TXNDC15: variants seen among roughly 807,000 people sequenced by gnomAD.
TXNDC15 encodes the protein thioredoxin domain containing 15, also known as thioredoxin domain-containing protein 15.
Under a neutral mutation model 35.0 loss-of-function variants are expected in TXNDC15, and 24 were observed. The ratio of observed to expected loss-of-function variants is 0.68; its 90% confidence interval spans 0.50 to 0.96. The LOEUF is 0.96. Ranked by LOEUF, TXNDC15 falls within the 40% of genes least tolerant of loss-of-function variation. The pLI, the probability that TXNDC15 is intolerant of heterozygous loss-of-function variation, is 0.00. For synonymous variants in TXNDC15, 169 were observed against 174.0 expected (o/e 0.97, Z 0.23); for missense variants, 385 against 453.3 (o/e 0.85, Z 1.37).
chr5:134,886,473 A>C (rs549885429), intron 1 of TXNDC15, among the ~76,000 whole-genome samples: 17 of 152,370 alleles, frequency 1.1e-4, no homozygotes, highest in African/African-American at 4.1e-4. Flanking sequence ...AGGCATTGCT[A>C]TGGAGGTGAG....
intron 4 of TXNDC15, among the ~76,000 whole-genome samples, chr5:134,898,843 G>A (rs1269097815): frequency 1.3e-5 from 2 of 152,210 alleles, no homozygotes; most frequent in Admixed American, 1.3e-4. Context: ...GGGAGGCTGA[G>A]GTGGGCAGAT....
At chr5:134,894,190 A>G (rs574305825) in intron 3 of TXNDC15, among the ~76,000 whole-genome samples, 35 of 151,554 alleles carry the variant, frequency 2.3e-4, no homozygotes, top group African/African-American at 8.2e-4. Context: ...CAAGTCATGA[A>G]TTAATTTAGC....
intron 1 of TXNDC15, chr5:134,875,207 C>A: frequency 2.2e-6 from 1 of 456,266 alleles, no homozygotes; most frequent in Non-Finnish European, 4.4e-6. Context: ...GGCAGCCACT[C>A]TAGAGGCATG....
At chr5:134,879,288 G>A (rs928196399) in intron 1 of TXNDC15, among the ~76,000 whole-genome samples, 1 of 152,148 alleles carries the variant, frequency 6.6e-6, no homozygotes, top group Admixed American at 6.6e-5. Flanking sequence ...GGCTATCTGA[G>A]GGTCATCAGA....
chr5:134,875,090 C>T (rs1750004862), intron 1 of TXNDC15: 1 of 455,696 alleles, frequency 2.2e-6, no homozygotes, highest in East Asian at 6.9e-5. Flanking sequence ...GGAGTCCACG[C>T]TGCTGGACCA....
chr5:134,892,027 CTT>C (rs1750399138), intron 2 of TXNDC15, among the ~76,000 whole-genome samples: 1 of 152,184 alleles, frequency 6.6e-6, no homozygotes, highest in African/African-American at 2.4e-5. Context: ...ATTGACATCT[CTT>C]GTCTAGCTAT....
At chr5:134,893,761 T>C (rs1370511494) in intron 3 of TXNDC15, 106 bp downstream of exon 3, 1 of 1,451,666 alleles carries the variant, frequency 6.9e-7, no homozygotes, top group Non-Finnish European at 9.5e-7. Flanking sequence ...GGGCATGAAC[T>C]GTGTCCTGGG....
In TXNDC15 at chr5:134,896,430, T is replaced by C; in HGVS notation, c.886+6T>C. The C allele has an allele frequency of 1.2e-6, 2 of 1,613,084 alleles. No homozygotes were observed. Among genetic ancestry groups the C allele is most frequent in the Non-Finnish European group, 1.7e-6 (2 of 1,179,656 alleles). ...CTTCATTTTTAATCAGACAGGTATG[T>C]GGAAGTAATGTGCTGAGGAAGAAGA... On this transcript the variant is annotated splice_donor_region_variant and intron_variant, in intron 4 of 4. Coordinates refer to ENST00000358387, the MANE Select transcript of TXNDC15 (RefSeq NM_024715.4).
chr5:134,895,453 C>T (rs1240343641), intron 3 of TXNDC15, among the ~76,000 whole-genome samples: 3 of 152,184 alleles, frequency 2.0e-5, no homozygotes, highest in African/African-American at 4.8e-5. Flanking sequence ...GCCTCTCCCG[C>T]AACTCCCTCC....
chr5:134,886,989 T>TAAAAC (rs1300481973), intron 1 of TXNDC15, among the ~76,000 whole-genome samples: 1 of 152,230 alleles, frequency 6.6e-6, no homozygotes, highest in African/African-American at 2.4e-5. Flanking sequence ...GAATCTTGCA[T>TAAAAC]AAAACCATGA....
At chr5:134,887,577 G>T in intron 1 of TXNDC15, 118 bp from the exon 2 acceptor site, 1 of 1,290,462 alleles carries the variant, frequency 7.7e-7, no homozygotes, top group South Asian at 1.6e-5. Context: ...ATAGTTTAAT[G>T]AAAGGAGACC....
chr5:134,898,276 C>A (rs966448153), intron 4 of TXNDC15, among the ~76,000 whole-genome samples: 3 of 152,108 alleles, frequency 2.0e-5, no homozygotes, highest in Non-Finnish European at 4.4e-5. Flanking sequence ...TGCTACTGTT[C>A]CATTTATTAA....
At chr5:134,880,438 T>C (rs1185746358) in intron 1 of TXNDC15, among the ~76,000 whole-genome samples, 1 of 149,478 alleles carries the variant, frequency 6.7e-6, no homozygotes, top group Non-Finnish European at 1.5e-5. Context: ...ATTTCACTTA[T>C]TATTTTTTTT....
chr5:134,876,989 C>A (rs968810457), intron 1 of TXNDC15, among the ~76,000 whole-genome samples: 2 of 152,052 alleles, frequency 1.3e-5, no homozygotes, highest in Non-Finnish European at 2.9e-5. Context: ...GAGCAGCAGG[C>A]CTTTGGGGAA....
chr5:134,874,406 C>T lies in TXNDC15; in HGVS notation c.-22C>T, dbSNP rs374142521. ...CAGCACGACTCGCGTAGCCGTGCGC[C>T]GATTGCCTCTCGGCCTGGGCAATGG... On this transcript the variant is annotated 5_prime_UTR_variant, in exon 1 of 5. Coordinates refer to ENST00000358387, the MANE Select transcript of TXNDC15 (RefSeq NM_024715.4). 6.3e-7 allele frequency: 1 copy of T among 1,577,076 alleles called. No homozygotes were observed. The highest frequency in any genetic ancestry group is 1.1e-5 in the South Asian group (1 of 88,376).
chr5:134,894,415 T>G (rs1349031847), intron 3 of TXNDC15, among the ~76,000 whole-genome samples: 2 of 150,192 alleles, frequency 1.3e-5, no homozygotes, highest in African/African-American at 4.9e-5. Flanking sequence ...TCACCCAGGC[T>G]GGAGTGCAAT....
At chr5:134,889,900 A>G (rs1056611171) in intron 2 of TXNDC15, among the ~76,000 whole-genome samples, 5 of 152,246 alleles carry the variant, frequency 3.3e-5, no homozygotes, top group African/African-American at 9.6e-5. Context: ...ATTTAAAAAT[A>G]CTTTATTGCT....
chr5:134,883,312 C>A (rs1356001210), intron 1 of TXNDC15, among the ~76,000 whole-genome samples: 3 of 151,892 alleles, frequency 2.0e-5, no homozygotes, highest in African/African-American at 7.3e-5. Flanking sequence ...GTAATCCCAG[C>A]TATTCAGGAG....
At chr5:134,890,551 C>T (rs1201591643) in intron 2 of TXNDC15, among the ~76,000 whole-genome samples, 1 of 152,034 alleles carries the variant, frequency 6.6e-6, no homozygotes, top group Non-Finnish European at 1.5e-5. Context: ...ACTGGGATTA[C>T]AGGCGTGCTT....
Sources: gnomAD v4.1 joint callset for allele counts (sites outside exome capture counted in the v4.1 genomes callset) on GRCh38, gnomAD v4.1.1 for gene constraint, MANE v1.5 for transcripts, NCBI Gene and HGNC (gene_info 2026-07-23, HGNC 2026-07-21) for gene names.